Variants in EP300 observed in about 807,000 individuals in gnomAD.
The protein encoded by EP300 is histone acetyltransferase p300.
Under a neutral mutation model 264.0 loss-of-function variants are expected in EP300, and 31 were observed. The observed-to-expected ratio is 0.12, with a 90% CI of 0.09 to 0.16. The LOEUF is 0.16. Ranked by LOEUF, EP300 falls within the 10% of genes least tolerant of loss-of-function variation. The pLI is 1.00. For synonymous variants in EP300, 1,340 were observed against 1,045.4 expected (o/e 1.28, Z -5.44); for missense variants, 2,766 against 3,052.9 (o/e 0.91, Z 2.21).
In EP300 at chr22:41,149,022, T is replaced by G. The variant is rs775741415; in HGVS notation, c.2242-16T>G. 7.3e-6 allele frequency: 10 copies of G among 1,372,462 alleles called. No homozygotes were observed. The highest frequency in any genetic ancestry group is 2.3e-5 in the South Asian group (2 of 85,132). The allele number at this position is 1,372,462 out of a possible 1,614,324, so 85.0% of individuals were successfully genotyped here. On this transcript the variant is annotated splice_polypyrimidine_tract_variant and intron_variant, in intron 12 of 30. Transcript: ENST00000263253. ...AATGAAGCAGTTTGGTGATTTGTGT[T>G]TTTTTTTTTTTTCAGCCTATGGGCT...
At chr22:41,106,228 C>T (rs776365133) in intron 1 of EP300, among the ~76,000 whole-genome samples, 1 of 152,160 alleles carries the variant, frequency 6.6e-6, no homozygotes, top group African/African-American at 2.4e-5. Flanking sequence ...GCTTTTTAAG[C>T]ATCCATTGTA....
intron 1 of EP300, among the ~76,000 whole-genome samples, chr22:41,099,217 C>T (rs2058718128): frequency 1.3e-5 from 2 of 152,104 alleles, no homozygotes. Context: ...CTGCGCAGCA[C>T]CATGCCCGGC....
intron 20 of EP300, 103 bp downstream of exon 20, chr22:41,160,825 A>T: frequency 9.6e-7 from 1 of 1,040,002 alleles, no homozygotes. Flanking sequence ...TGAATATGGT[A>T]GCCATTAGCC....
chr22:41,135,939 C>A, intron 7 of EP300, 33 bp downstream of exon 7: 2 of 1,456,392 alleles, frequency 1.4e-6, no homozygotes, highest in Non-Finnish European at 1.9e-6. Flanking sequence ...CCCTGGGTCA[C>A]ATTACAAATA....
In EP300 at chr22:41,150,092, C is replaced by T. The variant is rs1277346643; in HGVS notation, c.2711C>T (p.Ala904Val). 7 of 1,613,624 alleles carry T rather than the reference C, an allele frequency of 4.3e-6. No individual in the cohort carries two copies. Among genetic ancestry groups the T allele is most frequent in the South Asian group, 2.2e-5 (2 of 91,080 alleles). ...PQQVQPSLPA[A>V]PSADQPQQQP... is the part of the protein sequence containing the mutation. ...CAAGTGCAGCCTTCACTTCCTGCTGCACCTTCTGCTGACCAGCCCCAGCAG... is the reference window on the plus strand; with the variant it reads ...CAAGTGCAGCCTTCACTTCCTGCTGTACCTTCTGCTGACCAGCCCCAGCAG... Residue 904 changes from alanine (A) to valine (V), a missense_variant, in exon 14 of 31, where the codon GCA becomes GTA. Transcript: ENST00000263253.
intron 1 of EP300, among the ~76,000 whole-genome samples, chr22:41,107,133 C>T (rs921830471): frequency 4.6e-5 from 7 of 151,976 alleles, no homozygotes; most frequent in African/African-American, 1.7e-4. Context: ...TCTCAAACTC[C>T]TGATCTCCGC....
chr22:41,151,274 T>G (rs925761578), intron 14 of EP300, among the ~76,000 whole-genome samples: 1 of 152,160 alleles, frequency 6.6e-6, no homozygotes, highest in Non-Finnish European at 1.5e-5. Flanking sequence ...TCTGCTTGAT[T>G]TTATTCTTTA....
intron 1 of EP300, among the ~76,000 whole-genome samples, chr22:41,102,168 A>G (rs751154634): frequency 7.3e-5 from 11 of 151,696 alleles, no homozygotes; most frequent in Non-Finnish European, 1.5e-4. Flanking sequence ...TTAGGCCAAC[A>G]TTTTCTGTAT....
At chr22:41,143,235 T>C (rs2058992911) in intron 10 of EP300, among the ~76,000 whole-genome samples, 1 of 152,116 alleles carries the variant, frequency 6.6e-6, no homozygotes, top group Admixed American at 6.5e-5. Context: ...GCAGATCACT[T>C]GAGCTTAGGA....
At chr22:41,141,010 T>A in intron 9 of EP300, 38 bp from the exon 10 acceptor site, 1 of 1,599,268 alleles carries the variant, frequency 6.3e-7, no homozygotes, top group Non-Finnish European at 8.5e-7. Context: ...AGTTCCTTTT[T>A]TCCTCATCTC....
chr22:41,137,665 T>C lies in EP300; in HGVS notation c.1635T>C (p.Ser545=). 1 of 1,614,114 alleles carries C rather than the reference T, an allele frequency of 6.2e-7. No homozygotes were observed. Among genetic ancestry groups the C allele is most frequent in the Non-Finnish European group, 8.5e-7 (1 of 1,180,024 alleles). ...SAINSQNPMM[S]ENASVPSLGP... ...CCCCTTTTTGAAGCCCAATGATGAGTGAAAATGCCAGTGTGCCCTCCCTGG... is the reference window on the plus strand; with the variant it reads ...CCCCTTTTTGAAGCCCAATGATGAGCGAAAATGCCAGTGTGCCCTCCCTGG... The change falls in exon 8 of 31, where the codon AGT becomes AGC. Residue 545 remains serine, a synonymous_variant. Transcript: ENST00000263253.
At chr22:41,129,092 G>A (rs1224642031) in intron 4 of EP300, among the ~76,000 whole-genome samples, 1 of 151,780 alleles carries the variant, frequency 6.6e-6, no homozygotes, top group Non-Finnish European at 1.5e-5. Flanking sequence ...CTCACCGCAA[G>A]CTCCGCCTCC....
intron 1 of EP300, among the ~76,000 whole-genome samples, chr22:41,116,836 A>C (rs1364753027): frequency 6.6e-6 from 1 of 152,184 alleles, no homozygotes; most frequent in South Asian, 2.1e-4. Flanking sequence ...CAATGCAGAC[A>C]GATAGCTTCA....
At chr22:41,140,929 C>T in intron 9 of EP300, 119 bp from the exon 10 acceptor site, 1 of 958,596 alleles carries the variant, frequency 1.0e-6, no homozygotes, top group Non-Finnish European at 1.6e-6. Context: ...AAATTGGCAC[C>T]AGTTCTTAAT....
At position 41,117,761 on chromosome 22, in the gene EP300, T is replaced by G. The variant is rs754551018; in HGVS notation, c.669T>G (p.Leu223=). Residue 223 remains leucine (L), a synonymous_variant, in exon 2 of 31, where the codon CTT becomes CTG. Coordinates refer to ENST00000263253, the MANE Select transcript of EP300 (RefSeq NM_001429.4). ...GSAGNLLTEP[L]QQGSPQMGGQ... ...CTGGCAACTTACTGACTGAGCCTCT[T>G]CAGCAGGGCTCTCCCCAGATGGGAG... 6.2e-7 allele frequency: 1 copy of G among 1,614,224 alleles called. No individual in the cohort carries two copies. Among genetic ancestry groups the G allele is most frequent in the Non-Finnish European group, 8.5e-7 (1 of 1,180,036 alleles).
At chr22:41,169,135 C>T in intron 25 of EP300, 1 of 571,154 alleles carries the variant, frequency 1.8e-6, no homozygotes, top group Non-Finnish European at 3.1e-6. Context: ...TACTACTCTT[C>T]AGAAAATGAG....
At chr22:41,167,602 A>ATATGTG (rs1555910964) in intron 23 of EP300, among the ~76,000 whole-genome samples, 49 of 23,858 alleles carry the variant, frequency 2.1e-3, no homozygotes, top group Non-Finnish European at 4.9e-3. Flanking sequence ...ATATATATAT[A>ATATGTG]TATATATATA....
Position 41,169,503 on chromosome 22 carries a change from G to A in EP300, c.4173G>A (p.Arg1391=), listed in dbSNP as rs1464734494. 2 of 1,581,968 alleles carry A rather than the reference G, an allele frequency of 1.3e-6. No homozygotes were observed. The highest frequency in any genetic ancestry group is 1.7e-5 in the Admixed American group (1 of 59,976). The change falls in exon 26 of 31, where the codon AGG becomes AGA. Residue 1391 remains arginine (R), a splice_region_variant and synonymous_variant. Coordinates refer to ENST00000263253, the MANE Select transcript of EP300 (RefSeq NM_001429.4). ...YGSDCPPPNQ[R]RVYISYLDSV... Reference sequence around the variant, plus strand: ...CTTCATTTCTCTTCATTTTGTATAGGAGAGTATACATATCTTACCTCGATA... The same window carrying A: ...CTTCATTTCTCTTCATTTTGTATAGAAGAGTATACATATCTTACCTCGATA...
intron 16 of EP300, among the ~76,000 whole-genome samples, chr22:41,154,723 T>C (rs995807273): frequency 1.3e-5 from 2 of 152,166 alleles, no homozygotes; most frequent in African/African-American, 4.8e-5. Flanking sequence ...TGACCGAGTC[T>C]GTCTTCACTG....
Sources: gnomAD v4.1 joint callset for allele counts (sites outside exome capture counted in the v4.1 genomes callset) on GRCh38, gnomAD v4.1.1 for gene constraint, MANE v1.5 for transcripts, NCBI Gene and HGNC (gene_info 2026-07-23, HGNC 2026-07-21) for gene names.